Variants in ARL9 observed in about 807,000 individuals in gnomAD.
ARL9 encodes the protein ARF like GTPase 9, also known as ADP-ribosylation factor-like protein 9.
Under a neutral mutation model 27.0 loss-of-function variants are expected in ARL9, and 14 were observed. The ratio of observed to expected loss-of-function variants is 0.52; its 90% CI spans 0.34 to 0.81. ARL9 has a LOEUF of 0.81. Ranked by LOEUF, ARL9 falls within the 30% of genes least tolerant of loss-of-function variation. The pLI, the probability that ARL9 is intolerant of heterozygous loss-of-function variation, is 0.01. For synonymous variants in ARL9, 106 were observed against 108.7 expected, an observed-to-expected ratio of 0.98 and a Z score of 0.15; for missense variants, 294 against 290.0, an observed-to-expected ratio of 1.01 and a Z score of -0.10.
chr4:56,511,148 T>C, intron 1 of ARL9, 37 bp from the exon 2 acceptor site: 3 of 1,492,118 alleles, frequency 2.0e-6, no homozygotes, highest in Non-Finnish European at 2.7e-6. Flanking sequence ...GAGCCCCTGA[T>C]AGCATGGGCT....
At chr4:56,508,522 G>C (rs1721532716) in intron 1 of ARL9, among the ~76,000 whole-genome samples, 1 of 152,076 alleles carries the variant, frequency 6.6e-6, no homozygotes, top group South Asian at 2.1e-4. Context: ...CAGTAGCTGG[G>C]ATTACTGGCA....
At chr4:56,513,960 A>G (rs982827786) in intron 2 of ARL9, among the ~76,000 whole-genome samples, 1 of 152,194 alleles carries the variant, frequency 6.6e-6, no homozygotes, top group African/African-American at 2.4e-5. Flanking sequence ...ACTTGAGTCC[A>G]GGAGTTTGAG....
Position 56,505,826 on chromosome 4 carries a change from G to T in ARL9, c.-37G>T. The stretch of plus-strand genomic sequence containing the variant: ...CCCAGAGCCACCGCTCAGCACGCGG[G>T]CACGCGGCGGGAGGGAAGGAAACCG... On this transcript the variant is annotated 5_prime_UTR_variant, in exon 1 of 4. Coordinates refer to ENST00000640821, the MANE Select transcript of ARL9 (RefSeq NM_001363794.2). 3 of 1,287,372 alleles carry T rather than the reference G, an allele frequency of 2.3e-6. No individual in the cohort carries two copies. The highest frequency in any genetic ancestry group is 2.9e-6 in the Non-Finnish European group (3 of 1,019,936). The allele number at this position is 1,287,372 out of a possible 1,614,324, so 79.7% of individuals were successfully genotyped here. A position where few individuals can be genotyped will look rare whatever the true frequency, so the allele number is the denominator to read the frequency against.
chr4:56,512,408 T>C (rs1405590043), intron 2 of ARL9, among the ~76,000 whole-genome samples: 5 of 152,284 alleles, frequency 3.3e-5, no homozygotes, highest in Admixed American at 2.0e-4. Context: ...ACTCCTTTCC[T>C]TCTCTCCTTT....
At chr4:56,516,914 G>C (rs949711010) in intron 2 of ARL9, among the ~76,000 whole-genome samples, 11 of 152,290 alleles carry the variant, frequency 7.2e-5, no homozygotes, top group South Asian at 2.1e-4. Context: ...GGATGACAGA[G>C]CACAACCTTG....
chr4:56,511,517 C>G (rs530730252), intron 2 of ARL9, among the ~76,000 whole-genome samples, 170 bp downstream of exon 2: 1 of 152,236 alleles, frequency 6.6e-6, no homozygotes, highest in South Asian at 2.1e-4. Context: ...GGGGGAATCA[C>G]TTTTTGCTTT....
chr4:56,518,673 T>C lies in ARL9; in HGVS notation c.443-5T>C. 2 of 1,611,014 alleles carry C rather than the reference T, an allele frequency of 1.2e-6. No individual in the cohort carries two copies. Among genetic ancestry groups the C allele is most frequent in the Non-Finnish European group, 1.7e-6 (2 of 1,177,920 alleles). ...TGTGTCTTCTTCCTCTACTATTCTC[T>C]GTAGTTGGTGGCAGTAAACCTTTTC... On this transcript the variant is annotated splice_polypyrimidine_tract_variant and splice_region_variant and intron_variant, in intron 2 of 3. Transcript: ENST00000640821.
Position 56,523,699 on chromosome 4 carries a change from T to C in ARL9, c.621T>C (p.Asp207=), listed in dbSNP as rs1280099745. The change falls in exon 4 of 4, where the codon GAT becomes GAC. Residue 207 remains aspartate (D), a splice_region_variant and synonymous_variant. Transcript: ENST00000640821. ...LPLVVFANKQ[D]LEAAYHITDI... ...TTCTTATTCCACTCCGGATGAAGGA[T>C]CTTGAAGCAGCCTATCACATTACAG... 1.2e-6 allele frequency: 2 copies of C among 1,610,582 alleles called. No homozygotes were observed. Among genetic ancestry groups the C allele is most frequent in the Non-Finnish European group, 1.7e-6 (2 of 1,178,262 alleles).
At chr4:56,522,945 A>G (rs1460173620) in intron 3 of ARL9, among the ~76,000 whole-genome samples, 1 of 152,242 alleles carries the variant, frequency 6.6e-6, no homozygotes, top group African/African-American at 2.4e-5. Flanking sequence ...TAATGAGCAC[A>G]AAAGAAAACT....
intron 1 of ARL9, chr4:56,506,632 T>C (rs1171134323): frequency 2.0e-6 from 2 of 985,278 alleles, no homozygotes; most frequent in South Asian, 4.7e-5. Flanking sequence ...ACCAGTACCA[T>C]GAATGGATGG....
upstream of ARL9, chr4:56,505,764 C>G (rs1478200214): frequency 7.2e-7 from 1 of 1,382,960 alleles, no homozygotes; most frequent in Non-Finnish European, 9.3e-7. Flanking sequence ...GGGCCTACGT[C>G]TCTGTCGGGC....
At chr4:56,506,186 C>T (rs1721454650) in intron 1 of ARL9, 45 bp downstream of exon 1, 1 of 1,232,666 alleles carries the variant, frequency 8.1e-7, no homozygotes, top group Non-Finnish European at 1.0e-6. Context: ...AGGCTTTTGT[C>T]GGCCGTTCAG....
Position 56,517,779 on chromosome 4 carries a change from AT to A in ARL9, c.443-889del, listed in dbSNP as rs534559710. Among the ~76,000 whole-genome samples, 307 of 149,252 alleles carry A rather than the reference AT, an allele frequency of 2.1e-3. 1 individual carries two copies. Among genetic ancestry groups the A allele is most frequent in the African/African-American group, 6.5e-3 (264 of 40,748 alleles). On this transcript the variant is annotated intron_variant, in intron 2 of 3. Transcript: ENST00000640821. ...CAGCAGGATGAAGTAATCAAAAGGC[AT>A]TTTTTTTTTCTGAAGCAAATATTCC...
At chr4:56,517,403 G>T (rs1721795128) in intron 2 of ARL9, among the ~76,000 whole-genome samples, 1 of 152,198 alleles carries the variant, frequency 6.6e-6, no homozygotes, top group Non-Finnish European at 1.5e-5. Flanking sequence ...ACTAATTTAT[G>T]CTTTGCAGGC....
intron 1 of ARL9, among the ~76,000 whole-genome samples, chr4:56,506,861 CCT>C (rs1166983164): frequency 7.0e-6 from 1 of 142,060 alleles, no homozygotes; most frequent in Non-Finnish European, 1.5e-5. Flanking sequence ...TCTTACTCTG[CCT>C]CTCAGGCTGG....
At position 56,508,844 on chromosome 4, in the gene ARL9, T is replaced by C. The variant is rs945917950; in HGVS notation, c.280-2341T>C. Among the ~76,000 whole-genome samples, 6 of 152,332 alleles carry C rather than the reference T, an allele frequency of 3.9e-5. No individual in the cohort carries two copies. The East Asian group carries it at 1.2e-3, about 29-fold the overall frequency. ...TCTAATGCTGTTTAAGATCACTTTT[T>C]TCTAGAAATCTAGTTTAAGTCTAAT... On this transcript the variant is annotated intron_variant, in intron 1 of 3. Transcript: ENST00000640821.
chr4:56,505,486 C>T (rs754088481), upstream of ARL9: 10 of 472,566 alleles, frequency 2.1e-5, no homozygotes, highest in Middle Eastern at 6.3e-4. Context: ...GTGGAAGGCT[C>T]TTAGCCACCC....
At chr4:56,512,791 C>G (rs1300151215) in intron 2 of ARL9, among the ~76,000 whole-genome samples, 1 of 152,138 alleles carries the variant, frequency 6.6e-6, no homozygotes, top group Non-Finnish European at 1.5e-5. Context: ...ATCCACCCAC[C>G]TTAGCCTCCC....
intron 2 of ARL9, among the ~76,000 whole-genome samples, chr4:56,515,059 C>A (rs900889370): frequency 9.2e-5 from 14 of 151,962 alleles, no homozygotes; most frequent in African/African-American, 3.4e-4. Flanking sequence ...TCAAGATCAA[C>A]CTGGCCCAAC....
Sources: allele counts gnomAD v4.1 joint callset (sites outside exome capture counted in the v4.1 genomes callset), GRCh38; gene constraint gnomAD v4.1.1; transcripts MANE v1.5; gene names NCBI Gene and HGNC (gene_info 2026-07-23, HGNC 2026-07-21).